Variants in PKHD1 observed in about 807,000 individuals in gnomAD.
PKHD1 encodes the protein fibrocystin.
Under a neutral mutation model 412.0 loss-of-function variants are expected in PKHD1, and 291 were observed. The observed-to-expected ratio is 0.71, with a 90% CI of 0.64 to 0.78. The LOEUF (loss-of-function observed/expected upper bound fraction) is 0.78, where lower values mean the gene tolerates loss of function less well. Ranked by LOEUF, PKHD1 falls within the 30% of genes least tolerant of loss-of-function variation. PKHD1 has a pLI of 0.00. For synonymous variants in PKHD1, 1,777 were observed against 1,821.5 expected (o/e 0.98, Z 0.62); for missense variants, 4,825 against 4,950.7 (o/e 0.97, Z 0.76).
At chr6:51,772,331 A>G (rs1433351688) in intron 55 of PKHD1, among the ~76,000 whole-genome samples, 1 of 151,714 alleles carries the variant, frequency 6.6e-6, no homozygotes, top group Non-Finnish European at 1.5e-5. Context: ...TCTCCCTCCT[A>G]TTTTATTTCT....
chr6:51,752,241 A>C (rs1786222889), intron 57 of PKHD1, among the ~76,000 whole-genome samples: 2 of 152,134 alleles, frequency 1.3e-5, no homozygotes, highest in African/African-American at 4.8e-5. Context: ...AACACTATTG[A>C]CATTTGGAGC....
intron 14 of PKHD1, among the ~76,000 whole-genome samples, chr6:52,060,451 C>T (rs899870683): frequency 6.6e-6 from 1 of 152,174 alleles, no homozygotes; most frequent in African/African-American, 2.4e-5. Context: ...TTACCAGCTA[C>T]CTCAACACCT....
rs1342921287 is a variant in PKHD1 at position 51,870,757 on chromosome 6, A to T, written c.7351-118T>A. ...AAAGCGAGCTATTGACTAAGAGAAA[A>T]TATTTGCCAATCACACATATGACAA... On this transcript the variant is annotated intron_variant, in intron 46 of 66. Coordinates refer to ENST00000371117, the MANE Select transcript of PKHD1 (RefSeq NM_138694.4). The T allele has an allele frequency of 7.9e-6, 6 of 761,264 alleles. No homozygotes were observed. The East Asian group carries it at 1.6e-4, about 20-fold the overall frequency. 47.2% of individuals were successfully genotyped at this position (761,264 alleles called of 1,614,324 possible). A position where few individuals can be genotyped will look rare whatever the true frequency, so the allele number is the denominator to read the frequency against.
chr6:51,664,025 A>G (rs1773300516), intron 60 of PKHD1, among the ~76,000 whole-genome samples: 2 of 152,192 alleles, frequency 1.3e-5, no homozygotes. Flanking sequence ...TCCTTATGAC[A>G]GGTAACTTCC....
chr6:51,892,428 A>G (rs1233410092), intron 43 of PKHD1, among the ~76,000 whole-genome samples: 2 of 152,168 alleles, frequency 1.3e-5, no homozygotes, highest in African/African-American at 4.8e-5. Context: ...TTTTATTGTA[A>G]CAACTTGGAG....
At chr6:51,805,888 T>C (rs973581999) in intron 52 of PKHD1, among the ~76,000 whole-genome samples, 3 of 152,146 alleles carry the variant, frequency 2.0e-5, no homozygotes, top group African/African-American at 7.2e-5. Context: ...CAGTCTATCA[T>C]TGTTGGACAT....
At chr6:51,661,550 A>C (rs1473860173) in intron 60 of PKHD1, among the ~76,000 whole-genome samples, 1 of 152,078 alleles carries the variant, frequency 6.6e-6, no homozygotes, top group East Asian at 1.9e-4. Flanking sequence ...AAATACAAGA[A>C]GAAGGAAAGA....
chr6:51,668,295 C>G (rs1439547868), intron 60 of PKHD1, among the ~76,000 whole-genome samples: 1 of 152,100 alleles, frequency 6.6e-6, no homozygotes, highest in Admixed American at 6.5e-5. Flanking sequence ...GTATTTTATT[C>G]TCTTTGAAGC....
At chr6:51,900,326 T>C (rs916419392) in intron 43 of PKHD1, among the ~76,000 whole-genome samples, 1 of 152,150 alleles carries the variant, frequency 6.6e-6, no homozygotes, top group Non-Finnish European at 1.5e-5. Context: ...AACAGAGATG[T>C]AGATCAATGG....
chr6:51,901,498 C>A (rs1218688061), intron 43 of PKHD1, among the ~76,000 whole-genome samples: 1 of 151,470 alleles, frequency 6.6e-6, no homozygotes, highest in Non-Finnish European at 1.5e-5. Flanking sequence ...GGAAGGGGAA[C>A]ATCACACTCT....
At chr6:51,871,313 T>TTTAGAAAAAAAAGGAAATAGGAGAGTAGA (rs1562505563) in intron 46 of PKHD1, among the ~76,000 whole-genome samples, 9 of 130,876 alleles carry the variant, frequency 6.9e-5, no homozygotes, top group South Asian at 2.3e-4. Flanking sequence ...CAAACTGCAT[T>TTTAGAAAAAAAAGGAAATAGGAGAGTAGA]ACATCTATCT....
chr6:51,796,641 T>C (rs2397064), intron 52 of PKHD1, among the ~76,000 whole-genome samples: 89,565 of 151,650 alleles, frequency 0.59, 27,111 homozygotes, highest in East Asian at 0.83. Flanking sequence ...TTTAGTGCTA[T>C]AAATTTCTGT....
chr6:51,800,594 G>T (rs1240484230), intron 52 of PKHD1, among the ~76,000 whole-genome samples: 1 of 152,200 alleles, frequency 6.6e-6, no homozygotes, highest in Non-Finnish European at 1.5e-5. Flanking sequence ...CAGCAAAGTA[G>T]GGAATCAAGG....
Position 51,625,667 on chromosome 6 carries a change from C to T in PKHD1, c.11785+1330G>A, listed in dbSNP as rs138008803. 7.0e-3 allele frequency among the ~76,000 whole-genome samples: 1,064 copies of T among 152,168 alleles called. 11 individuals are homozygous for T. Among genetic ancestry groups the T allele is most frequent in the African/African-American group, 0.024 (979 of 41,504 alleles). On this transcript the variant is annotated intron_variant, in intron 66 of 66. Coordinates refer to ENST00000371117, the MANE Select transcript of PKHD1 (RefSeq NM_138694.4). Reference sequence around the variant, plus strand: ...TAATAAAACAGTTAGGCACTGTGGACGGCATAATGTAGTTAATTTAAGCGG... The same window carrying T: ...TAATAAAACAGTTAGGCACTGTGGATGGCATAATGTAGTTAATTTAAGCGG...
At position 52,083,225 on chromosome 6, in the gene PKHD1, T is replaced by C. The variant is rs772920554; in HGVS notation, c.83A>G (p.Glu28Gly). 2.5e-6 allele frequency: 4 copies of C among 1,611,788 alleles called. No individual in the cohort carries two copies. The East Asian group carries it at 6.7e-5, about 27-fold the overall frequency. ...VRHLSLHIEP[E>G]EGSLAGGTWI... ...CGTTCCCCCTGCAAGGCTACCTTCT[T>C]CAGGTTCAATATGTAAACTCAGGTG... Residue 28 changes from glutamate to glycine, a missense_variant, in exon 3 of 67, where the codon GAA (glutamate) becomes GGA (glycine). Physicochemically the swap from Glu to Gly is moderately conservative, Grantham distance 98. Coordinates refer to ENST00000371117, the MANE Select transcript of PKHD1 (RefSeq NM_138694.4).
intron 55 of PKHD1, among the ~76,000 whole-genome samples, chr6:51,771,878 A>T (rs571770524): frequency 9.2e-5 from 14 of 152,220 alleles, no homozygotes; most frequent in African/African-American, 3.1e-4. Context: ...ATCTTCCCAC[A>T]TGTGATGGTG....
intron 37 of PKHD1, 79 bp from the exon 38 acceptor site, chr6:51,912,655 T>C: frequency 1.0e-6 from 1 of 1,000,940 alleles, no homozygotes; most frequent in Non-Finnish European, 1.6e-6. Context: ...TTAATAAATG[T>C]GATGTTATTT....
intron 61 of PKHD1, among the ~76,000 whole-genome samples, chr6:51,649,474 A>G (rs1175553338): frequency 6.6e-6 from 1 of 152,192 alleles, no homozygotes; most frequent in Non-Finnish European, 1.5e-5. Flanking sequence ...TATTTTTATC[A>G]TCATTTATTA....
intron 12 of PKHD1, 62 bp from the exon 13 acceptor site, chr6:52,065,112 T>C: frequency 1.7e-6 from 1 of 584,840 alleles, no homozygotes; most frequent in South Asian, 1.5e-5. Flanking sequence ...TATATGTATA[T>C]GTGTGTGGGT....
Sources: gnomAD v4.1 joint callset for allele counts (sites outside exome capture counted in the v4.1 genomes callset) on GRCh38, gnomAD v4.1.1 for gene constraint, MANE v1.5 for transcripts, NCBI Gene and HGNC (gene_info 2026-07-23, HGNC 2026-07-21) for gene names.